The following PREX2 variants were observed in gnomAD, a reference collection of about 807,000 sequenced individuals.
PREX2 encodes phosphatidylinositol 3,4,5-trisphosphate-dependent Rac exchanger 2 protein.
A neutral mutation model predicts 203.2 loss-of-function variants in PREX2; 107 were observed. The observed-to-expected ratio is 0.53, with a 90% CI of 0.45 to 0.62. The LOEUF (loss-of-function observed/expected upper bound fraction) is 0.62. PREX2 is among the 20% of genes least tolerant of loss of function. The pLI is 0.00. For synonymous variants in PREX2, 672 were observed against 663.6 expected (o/e 1.01, Z -0.19); for missense variants, 1,777 against 1,955.9 (o/e 0.91, Z 1.72).
rs1432696049 is a variant in PREX2, at chr8:68,093,684, G to A, written c.2330G>A (p.Gly777Glu). 6.2e-7 allele frequency: 1 copy of A among 1,607,556 alleles called. No individual in the cohort carries two copies. Among genetic ancestry groups the A allele is most frequent in the Non-Finnish European group, 8.5e-7 (1 of 1,174,258 alleles). ...CAAAAATCTCACTCCAAGCCCCCTG[G>A]AGATGAAGCAGGGGATGCTTTTGAC... ...DLQKSHSKPP[G>E]DEAGDAFDCK... Residue 777 changes from glycine to glutamate, a missense_variant, in exon 21 of 40, where the codon GGA (glycine) becomes GAA (glutamate). By Grantham distance (98) the Gly-to-Glu change is moderately conservative. Transcript: ENST00000288368.
At chr8:68,070,270 A>T (rs1809158478) in intron 13 of PREX2, among the ~76,000 whole-genome samples, 1 of 151,846 alleles carries the variant, frequency 6.6e-6, no homozygotes, top group Admixed American at 6.6e-5. Flanking sequence ...GTATAATCAA[A>T]TATTGAATAT....
intron 39 of PREX2, among the ~76,000 whole-genome samples, chr8:68,230,276 T>C: frequency 6.6e-6 from 1 of 152,206 alleles, no homozygotes; most frequent in Non-Finnish European, 1.5e-5. Flanking sequence ...GAAGCTGTTT[T>C]CAATTTAGTC....
intron 1 of PREX2, among the ~76,000 whole-genome samples, chr8:67,956,674 A>G (rs1056531736): frequency 1.3e-5 from 2 of 152,220 alleles, no homozygotes; most frequent in African/African-American, 4.8e-5. Context: ...CATATAATTT[A>G]CTGTCTAAAC....
At chr8:68,122,075 A>G (rs536140742) in intron 30 of PREX2, among the ~76,000 whole-genome samples, 1 of 152,256 alleles carries the variant, frequency 6.6e-6, no homozygotes, top group Non-Finnish European at 1.5e-5. Context: ...TTTTGCTGAC[A>G]AAAGACAACC....
At chr8:68,035,910 T>A (rs972303775) in intron 6 of PREX2, among the ~76,000 whole-genome samples, 4 of 152,188 alleles carry the variant, frequency 2.6e-5, no homozygotes, top group African/African-American at 9.7e-5. Context: ...AGATACACTT[T>A]GCGGCATAAC....
chr8:68,214,803 AG>A lies in PREX2; in HGVS notation c.4605-2811del, dbSNP rs567298177. Among the ~76,000 whole-genome samples the A allele has an allele frequency of 8.5e-3, 1,291 of 152,354 alleles. 17 individuals are homozygous for A. The highest frequency in any genetic ancestry group is 0.029 in the African/African-American group (1,193 of 41,584). On this transcript the variant is annotated intron_variant, in intron 37 of 39. Transcript: ENST00000288368. ...CTGTGATGCTGTGAGTGGAAATACA[AG>A]GCCTTGGTTGGACCCATCAACCATG...
In PREX2 at chr8:68,119,568, C is replaced by G; in HGVS notation, c.3504+54C>G. Reference sequence around the variant, plus strand: ...TTCCACAACTAAACTGTGAGGAGTCCCTTTTTCATATGCAGTAAAAGGAGC... The same window carrying G: ...TTCCACAACTAAACTGTGAGGAGTCGCTTTTTCATATGCAGTAAAAGGAGC... On this transcript the variant is annotated intron_variant, in intron 28 of 39. Transcript: ENST00000288368. The G allele has an allele frequency of 3.1e-6, 4 of 1,305,640 alleles. No individual in the cohort carries two copies. In the South Asian group the frequency reaches 4.8e-5, roughly 16 times the overall value. The allele number at this position is 1,305,640 out of a possible 1,614,324, so 80.9% of individuals were successfully genotyped here. A position where few individuals can be genotyped will look rare whatever the true frequency, so the allele number is the denominator to read the frequency against.
intron 1 of PREX2, among the ~76,000 whole-genome samples, chr8:67,954,363 A>G (rs1411472306): frequency 6.6e-6 from 1 of 152,236 alleles, no homozygotes; most frequent in Non-Finnish European, 1.5e-5. Context: ...TACAAAGCCT[A>G]AGATCTATTT....
At position 67,970,345 on chromosome 8, in the gene PREX2, A is replaced by G. The variant is rs570236101; in HGVS notation, c.141+17810A>G. 1.6e-4 allele frequency among the ~76,000 whole-genome samples: 25 copies of G among 152,354 alleles called. 1 individual carries two copies. In the South Asian group the frequency reaches 4.8e-3, roughly 29 times the overall value. On this transcript the variant is annotated intron_variant, in intron 1 of 39. Transcript: ENST00000288368. ...AATAAATAAAAAGGCCCAAACCACC[A>G]AACCTAAAATGAGAACTATTCCTAT...
intron 34 of PREX2, among the ~76,000 whole-genome samples, chr8:68,154,317 G>A (rs1369674338): frequency 1.3e-5 from 2 of 152,222 alleles, no homozygotes; most frequent in Admixed American, 6.5e-5. Context: ...GAATACTCAT[G>A]AGCTGTCTTA....
rs868574550 is a variant in PREX2, at chr8:68,093,698, G to A, written c.2344G>A (p.Asp782Asn). ...CAAGCCCCCTGGAGATGAAGCAGGG[G>A]ATGCTTTTGACTGTAAAGTAGAAGG... Reference protein sequence around the residue: ...HSKPPGDEAGDAFDCKVEEVI... With the variant: ...HSKPPGDEAGNAFDCKVEEVI... The change falls in exon 21 of 40, where the codon GAT (aspartate) becomes AAT (asparagine). Residue 782 changes from aspartate (D) to asparagine (N), a missense_variant. Asp to Asn is a conservative substitution (Grantham distance 23). Transcript: ENST00000288368. 1 of 1,601,238 alleles carries A rather than the reference G, an allele frequency of 6.2e-7. No homozygotes were observed. Among genetic ancestry groups the A allele is most frequent in the Non-Finnish European group, 8.6e-7 (1 of 1,169,014 alleles).
chr8:67,970,893 C>G (rs1805907077), intron 1 of PREX2, among the ~76,000 whole-genome samples: 1 of 152,118 alleles, frequency 6.6e-6, no homozygotes, highest in Admixed American at 6.6e-5. Flanking sequence ...TTTATTTACC[C>G]AATGCAAACA....
intron 1 of PREX2, among the ~76,000 whole-genome samples, chr8:67,978,609 T>C (rs1317203625): frequency 6.6e-6 from 1 of 152,238 alleles, no homozygotes; most frequent in African/African-American, 2.4e-5. Flanking sequence ...CATTCTACTC[T>C]TGGTGGATAT....
intron 32 of PREX2, among the ~76,000 whole-genome samples, chr8:68,137,481 A>G (rs1375003605): frequency 6.6e-6 from 1 of 151,688 alleles, no homozygotes; most frequent in Non-Finnish European, 1.5e-5. Context: ...ATGTTGCTCA[A>G]GCTGGTCTTG....
At chr8:67,979,661 T>C (rs1806210307) in intron 1 of PREX2, among the ~76,000 whole-genome samples, 1 of 152,210 alleles carries the variant, frequency 6.6e-6, no homozygotes, top group East Asian at 1.9e-4. Context: ...AATCAGGACA[T>C]ATAAAAGATT....
intron 8 of PREX2, 107 bp from the exon 9 acceptor site, chr8:68,052,990 T>C: frequency 1.1e-6 from 1 of 931,424 alleles, no homozygotes. Context: ...CAAAGAGATG[T>C]TGAACAATTC....
At chr8:68,027,944 G>A (rs550541399) in intron 5 of PREX2, among the ~76,000 whole-genome samples, 2 of 152,088 alleles carry the variant, frequency 1.3e-5, no homozygotes, top group East Asian at 3.9e-4. Context: ...GCCAACTACT[G>A]CCCTTACTGC....
At chr8:68,128,687 A>AT (rs1161900124) in intron 31 of PREX2, among the ~76,000 whole-genome samples, 1 of 152,158 alleles carries the variant, frequency 6.6e-6, no homozygotes, top group Non-Finnish European at 1.5e-5. Flanking sequence ...GACAGTGGGA[A>AT]TGTCGAAGAG....
intron 11 of PREX2, among the ~76,000 whole-genome samples, chr8:68,067,657 T>G (rs926755384): frequency 3.3e-5 from 5 of 152,088 alleles, no homozygotes; most frequent in Non-Finnish European, 7.4e-5. Flanking sequence ...TATAAGTTCA[T>G]GCCATCTACA....
Sources: gnomAD v4.1 joint callset for allele counts (sites outside exome capture counted in the v4.1 genomes callset) on GRCh38, gnomAD v4.1.1 for gene constraint, MANE v1.5 for transcripts, NCBI Gene and HGNC (gene_info 2026-07-23, HGNC 2026-07-21) for gene names.